The following CCDC110 variants were observed in gnomAD, a reference collection of about 807,000 sequenced individuals.
The protein encoded by CCDC110 is coiled-coil domain-containing protein 110.
In CCDC110, 70 loss-of-function variants were observed where a neutral mutation model predicts 77.1. The observed-to-expected ratio is 0.91, with a 90% CI of 0.75 to 1.11. The LOEUF (loss-of-function observed/expected upper bound fraction) is 1.11, where lower values mean the gene tolerates loss of function less well. Ranked by LOEUF, CCDC110 falls within the 50% of genes least tolerant of loss-of-function variation. The probability of loss-of-function intolerance (pLI) is 0.00; values close to 1 mark genes in which losing one functional copy is unlikely to be tolerated. For missense variants in CCDC110, 868 were observed against 942.9 expected (o/e 0.92, Z 1.04); for synonymous variants, 295 against 312.5 (o/e 0.94, Z 0.59).
chr4:185,470,183 T>C (rs1164481953), intron 2 of CCDC110, among the ~76,000 whole-genome samples: 1 of 152,210 alleles, frequency 6.6e-6, no homozygotes, highest in East Asian at 1.9e-4. Context: ...ATATTTACTA[T>C]AAAAAGTAGT....
Position 185,459,354 on chromosome 4 carries a change from AT to A in CCDC110, c.1232del (p.Asn411MetfsTer25), listed in dbSNP as rs773172029. On this transcript the variant is annotated frameshift_variant, in exon 6 of 7. Coordinates refer to ENST00000307588, the MANE Select transcript of CCDC110 (RefSeq NM_152775.4). LOFTEE classifies it high-confidence loss of function. ...LVKQGSIISE[N>X]EKTSKVNSVT... is the part of the protein sequence containing the mutation. ...CGGAATTAACTTTGGAAGTTTTCTC[AT>A]TTTCAGATATTATTGATCCTTGTTT... 149 of 1,610,910 alleles carry A rather than the reference AT, an allele frequency of 9.2e-5. No individual in the cohort carries two copies. The Admixed American group carries it at 2.5e-3, about 27-fold the overall frequency.
At chr4:185,470,798 C>T (rs2095664706) in intron 2 of CCDC110, 147 bp downstream of exon 2, 2 of 743,842 alleles carry the variant, frequency 2.7e-6, no homozygotes, top group Admixed American at 1.8e-5. Context: ...GTGCTTAGAA[C>T]AGCACTGGCA....
intron 4 of CCDC110, 73 bp downstream of exon 4, chr4:185,462,570 G>A (rs371664461): frequency 3.5e-6 from 4 of 1,136,250 alleles, no homozygotes; most frequent in Non-Finnish European, 1.3e-6. Flanking sequence ...CCATTGGCTA[G>A]TGACCATCAG....
rs2095639115 is a variant in CCDC110, at chr4:185,458,229, T to C, written c.2358A>G (p.Ser786=). The stretch of plus-strand genomic sequence containing the variant: ...CTCTTCTTGAAATGTAAGTTGTTTT[T>C]GAAGGGTCATTATGCTGATTACAAA... ...DKICNQHNDP[S]KTTYISRREK... is the part of the protein sequence containing the mutation. The change falls in exon 6 of 7, where the codon TCA becomes TCG. Residue 786 remains serine, a synonymous_variant. Transcript: ENST00000307588. The C allele has an allele frequency of 1.2e-6, 2 of 1,605,302 alleles. No individual in the cohort carries two copies. Among genetic ancestry groups the C allele is most frequent in the Non-Finnish European group, 1.7e-6 (2 of 1,177,740 alleles).
chr4:185,464,033 T>C (rs567129312), intron 2 of CCDC110, among the ~76,000 whole-genome samples: 2 of 152,344 alleles, frequency 1.3e-5, no homozygotes, highest in African/African-American at 4.8e-5. Context: ...TCTATCATGT[T>C]TGCAAATGCC....
chr4:185,469,352 C>A (rs1314161522), intron 2 of CCDC110, among the ~76,000 whole-genome samples: 1 of 152,200 alleles, frequency 6.6e-6, no homozygotes, highest in Non-Finnish European at 1.5e-5. Context: ...AACCCCAGAC[C>A]TGTAAACACT....
At chr4:185,448,410 G>A (rs767991385) in intron 6 of CCDC110, among the ~76,000 whole-genome samples, 2 of 152,090 alleles carry the variant, frequency 1.3e-5, no homozygotes, top group African/African-American at 2.4e-5. Flanking sequence ...GATGGTGACC[G>A]TTTTTTGCAT....
Position 185,459,857 on chromosome 4 carries a change from A to C in CCDC110, c.730T>G (p.Ser244Ala). The C allele has an allele frequency of 2.5e-6, 4 of 1,613,322 alleles. No homozygotes were observed. Among genetic ancestry groups the C allele is most frequent in the Non-Finnish European group, 3.4e-6 (4 of 1,179,776 alleles). Reference sequence around the variant, plus strand: ...AGCTCTTCTTTCATTTGTTTGATAGAATGGCAAATGTCATCTAAATTTTCA... The same window carrying C: ...AGCTCTTCTTTCATTTGTTTGATAGCATGGCAAATGTCATCTAAATTTTCA... ...FCENLDDICH[S>A]IKQMKEELQK... Residue 244 changes from serine (S) to alanine (A), a missense_variant, in exon 6 of 7, where the codon TCT (serine) becomes GCT (alanine). Ser to Ala is a moderately conservative substitution (Grantham distance 99, BLOSUM62 1). Transcript: ENST00000307588.
At chr4:185,461,265 A>AT (rs2095645943) in intron 4 of CCDC110, 106 bp from the exon 5 acceptor site, 1 of 569,752 alleles carries the variant, frequency 1.8e-6, no homozygotes, top group African/African-American at 1.9e-5. Context: ...TTTCCTGCCC[A>AT]TAAACAGTCT....
chr4:185,459,065 A>C lies in CCDC110; in HGVS notation c.1522T>G (p.Phe508Val). The C allele has an allele frequency of 6.4e-7, 1 of 1,565,584 alleles. No individual in the cohort carries two copies. Among genetic ancestry groups the C allele is most frequent in the South Asian group, 1.2e-5 (1 of 84,000 alleles). The change falls in exon 6 of 7, where the codon TTT (phenylalanine) becomes GTT (valine). Residue 508 changes from phenylalanine to valine, a missense_variant. Physicochemically the swap from Phe to Val is conservative, Grantham distance 50. Transcript: ENST00000307588. ...TTATATTTACTAATTATTTTTTTAAATTCTTTAAGACACTCTTTGCTGTAT... is the reference window on the plus strand; with the variant it reads ...TTATATTTACTAATTATTTTTTTAACTTCTTTAAGACACTCTTTGCTGTAT... ...EEYSKECLKE[F>V]KKIISKYNVL... is the part of the protein sequence containing the mutation.
Position 185,459,395 on chromosome 4 carries a change from G to T in CCDC110, c.1192C>A (p.Gln398Lys). Reference sequence around the variant, plus strand: ...GATCCTTGTTTTACTAGAAATGGTTGTCTTTCTTTGTCTTTCATTTCATGT... The same window carrying T: ...GATCCTTGTTTTACTAGAAATGGTTTTCTTTCTTTGTCTTTCATTTCATGT... The part of the protein sequence containing the change: ...TKHEMKDKER[Q>K]PFLVKQGSII... The change falls in exon 6 of 7, where the codon CAA becomes AAA. Residue 398 changes from glutamine (Q) to lysine (K), a missense_variant. Transcript: ENST00000307588. 1.2e-6 allele frequency: 2 copies of T among 1,611,364 alleles called. No homozygotes were observed. Among genetic ancestry groups the T allele is most frequent in the South Asian group, 2.2e-5 (2 of 90,646 alleles).
rs187864404 is a variant in CCDC110, at chr4:185,446,219, C to A, written c.2462-677G>T. On this transcript the variant is annotated intron_variant, in intron 6 of 6. Transcript: ENST00000307588. ...ATCAGCAGAACTAATCAGCTAAAGACAAATTACTTAACATTTTTATGAATT... is the reference window on the plus strand; with the variant it reads ...ATCAGCAGAACTAATCAGCTAAAGAAAAATTACTTAACATTTTTATGAATT... Among the ~76,000 whole-genome samples, 1,110 of 152,246 alleles carry A rather than the reference C, an allele frequency of 7.3e-3. 9 individuals carry two copies. The highest frequency in any genetic ancestry group is 0.012 in the Non-Finnish European group (820 of 68,008).
intron 6 of CCDC110, chr4:185,457,140 A>C: frequency 2.4e-6 from 1 of 420,004 alleles, no homozygotes; most frequent in Non-Finnish European, 4.7e-6. Context: ...TTAACAGATT[A>C]AAGGAGAAAA....
intron 6 of CCDC110, 134 bp downstream of exon 6, chr4:185,457,992 T>G (rs1472356249): frequency 3.0e-6 from 2 of 667,264 alleles, no homozygotes; most frequent in Non-Finnish European, 4.6e-6. Flanking sequence ...CACTGTATAA[T>G]AAATTGGATA....
At chr4:185,471,070 G>GTT in intron 1 of CCDC110, 21 bp from the exon 2 acceptor site, 1 of 1,463,228 alleles carries the variant, frequency 6.8e-7, no homozygotes, top group Non-Finnish European at 9.1e-7. Context: ...ACCGTCCGGG[G>GTT]CTGTTCTGTC....
intron 2 of CCDC110, 65 bp downstream of exon 2, chr4:185,470,879 TG>T: frequency 8.8e-7 from 1 of 1,141,634 alleles, no homozygotes; most frequent in African/African-American, 1.5e-5. Context: ...GGTGAGCAGG[TG>T]GCACAGGCCA....
chr4:185,456,106 C>T (rs1279054202), intron 6 of CCDC110, among the ~76,000 whole-genome samples: 2 of 151,794 alleles, frequency 1.3e-5, no homozygotes, highest in Non-Finnish European at 2.9e-5. Context: ...CCAAGACAGA[C>T]CTTATTCTGG....
Position 185,459,999 on chromosome 4 carries a change from A to G in CCDC110, c.588T>C (p.Asn196=), listed in dbSNP as rs374102102. 3 of 1,613,442 alleles carry G rather than the reference A, an allele frequency of 1.9e-6. No individual in the cohort carries two copies. Among genetic ancestry groups the G allele is most frequent in the Non-Finnish European group, 2.5e-6 (3 of 1,179,610 alleles). Residue 196 remains asparagine (N), a synonymous_variant, in exon 6 of 7, where the codon AAT becomes AAC. Transcript: ENST00000307588. ...HPSENSDILK[N]YNNFYRFLPT... ...GTAGAAAACGATAAAAGTTATTATA[A>G]TTCTTCAAGATGTCAGAATTTTCTG... is the stretch of plus-strand genomic sequence containing the variant.
intron 2 of CCDC110, among the ~76,000 whole-genome samples, chr4:185,465,848 T>C (rs2095654690): frequency 1.3e-5 from 2 of 152,164 alleles, no homozygotes; most frequent in South Asian, 2.1e-4. Flanking sequence ...GGAGGATTCG[T>C]TGGGGCCAGG....
Sources: gnomAD v4.1 joint callset for allele counts (sites outside exome capture counted in the v4.1 genomes callset) on GRCh38, gnomAD v4.1.1 for gene constraint, MANE v1.5 for transcripts, NCBI Gene and HGNC (gene_info 2026-07-23, HGNC 2026-07-21) for gene names.